Variants in TNRC6B observed in about 807,000 individuals in gnomAD.
TNRC6B encodes trinucleotide repeat-containing gene 6B protein.
A neutral mutation model predicts 203.6 loss-of-function variants in TNRC6B; 52 were observed. The ratio of observed to expected loss-of-function variants is 0.26; its 90% CI spans 0.20 to 0.32. The LOEUF (loss-of-function observed/expected upper bound fraction) is 0.32. Ranked by LOEUF, TNRC6B falls within the 10% of genes least tolerant of loss-of-function variation. TNRC6B has a pLI of 1.00. For missense variants in TNRC6B, 1,923 were observed against 2,286.2 expected, an observed-to-expected ratio of 0.84 and a Z score of 3.24; for synonymous variants, 838 against 845.7, an observed-to-expected ratio of 0.99 and a Z score of 0.16.
In TNRC6B at chr22:40,100,369, C is replaced by T. The variant is rs192667024; in HGVS notation, c.-120-16686C>T. Reference sequence around the variant, plus strand: ...CTTCCCAAAGTGCTGGGATTACAGGCGTGACCACTGCGCCTGGCCTATTTT... The same window carrying T: ...CTTCCCAAAGTGCTGGGATTACAGGTGTGACCACTGCGCCTGGCCTATTTT... On this transcript the variant is annotated intron_variant, in intron 1 of 23. Coordinates refer to the TNRC6B transcript ENST00000301923. Among the ~76,000 whole-genome samples, 1,273 of 149,796 alleles carry T rather than the reference C, an allele frequency of 8.5e-3. 9 individuals are homozygous for T. The highest frequency in any genetic ancestry group is 0.015 in the Non-Finnish European group (995 of 66,888).
intron 1 of TNRC6B, among the ~76,000 whole-genome samples, chr22:40,213,933 G>C (rs1021859187): frequency 6.6e-6 from 1 of 152,078 alleles, no homozygotes; most frequent in Non-Finnish European, 1.5e-5. Context: ...AAAAAATAAT[G>C]TAGACAGGTA....
intron 1 of TNRC6B, among the ~76,000 whole-genome samples, chr22:40,223,239 C>G (rs1055448574): frequency 6.6e-6 from 1 of 152,050 alleles, no homozygotes; most frequent in African/African-American, 2.4e-5. Context: ...CTCCTGTGTT[C>G]AAGCAATTCT....
chr22:40,051,476 A>G (rs906065458), intron 1 of TNRC6B, among the ~76,000 whole-genome samples: 1 of 152,200 alleles, frequency 6.6e-6, no homozygotes, highest in African/African-American at 2.4e-5. Context: ...AGCTGAGCCT[A>G]CTTACCCTTT....
At chr22:40,227,421 AGTGGTG>A in intron 1 of TNRC6B, among the ~76,000 whole-genome samples, 1 of 125,912 alleles carries the variant, frequency 7.9e-6, no homozygotes. Flanking sequence ...GCTGGAGTGC[AGTGGTG>A]CCATCTTGGC....
chr22:40,292,286 G>A (rs539932747), intron 12 of TNRC6B, among the ~76,000 whole-genome samples: 73 of 151,906 alleles, frequency 4.8e-4, no homozygotes, highest in African/African-American at 1.7e-3. Context: ...CCAGGAGGTG[G>A]AGGTTGCAGT....
chr22:40,237,835 C>G, intron 1 of TNRC6B, among the ~76,000 whole-genome samples: 1 of 152,046 alleles, frequency 6.6e-6, no homozygotes. Flanking sequence ...ACTCTGGCCC[C>G]TTTCCAGCTT....
intron 1 of TNRC6B, among the ~76,000 whole-genome samples, chr22:40,187,103 T>A (rs1026571983): frequency 2.0e-5 from 3 of 152,206 alleles, no homozygotes; most frequent in Non-Finnish European, 4.4e-5. Flanking sequence ...AGTTAAAAAT[T>A]CAGTTTGAGT....
chr22:40,192,607 ACT>A (rs1424447590), intron 1 of TNRC6B, among the ~76,000 whole-genome samples: 12 of 150,198 alleles, frequency 8.0e-5, no homozygotes, highest in Non-Finnish European at 3.0e-5. Flanking sequence ...ACTGAGCGAG[ACT>A]CTGCCTCAAA....
chr22:40,100,480 G>A (rs966841497), intron 1 of TNRC6B, among the ~76,000 whole-genome samples: 1 of 152,072 alleles, frequency 6.6e-6, no homozygotes, highest in African/African-American at 2.4e-5. Flanking sequence ...CTAGGCTCAA[G>A]TGATCCTCCT....
chr22:40,199,267 C>A lies in TNRC6B; in HGVS notation c.5+21127C>A, dbSNP rs147985918. ...AAATTCAGCATTTGAAGAATGGGTT[C>A]TCTAAATTTCAAAGTACTTCTTCAA... On this transcript the variant is annotated intron_variant, in intron 1 of 22. Transcript: ENST00000454349. 2.0e-3 allele frequency among the ~76,000 whole-genome samples: 303 copies of A among 152,244 alleles called. 2 individuals are homozygous for A. The highest frequency in any genetic ancestry group is 7.1e-3 in the African/African-American group (296 of 41,534).
intron 1 of TNRC6B, among the ~76,000 whole-genome samples, chr22:40,093,029 A>C (rs1371875942): frequency 6.6e-6 from 1 of 152,238 alleles, no homozygotes; most frequent in African/African-American, 2.4e-5. Flanking sequence ...AATCAGATAT[A>C]TTTGAAAAAG....
intron 3 of TNRC6B, among the ~76,000 whole-genome samples, chr22:40,151,360 T>C (rs2068751310): frequency 6.6e-6 from 1 of 150,528 alleles, no homozygotes; most frequent in South Asian, 2.1e-4. Context: ...GGTCAGGAGT[T>C]TGAGACCAGC....
At chr22:40,172,648 T>G (rs1437605281) in intron 4 of TNRC6B, among the ~76,000 whole-genome samples, 1 of 152,246 alleles carries the variant, frequency 6.6e-6, no homozygotes, top group Non-Finnish European at 1.5e-5. Context: ...TGTACCATCT[T>G]AGTCTAAATT....
chr22:40,208,144 GAAA>G (rs1455016146), intron 1 of TNRC6B, among the ~76,000 whole-genome samples: 1 of 140,900 alleles, frequency 7.1e-6, no homozygotes, highest in South Asian at 2.3e-4. Context: ...AAAAAAACAA[GAAA>G]AAAACAAGTT....
At chr22:40,078,989 G>A (rs371043685) in intron 1 of TNRC6B, among the ~76,000 whole-genome samples, 3 of 151,648 alleles carry the variant, frequency 2.0e-5, no homozygotes, top group East Asian at 1.9e-4. Flanking sequence ...CAGGAGAGTC[G>A]CATGAACTCG....
chr22:40,275,280 C>T (rs1321529115), intron 7 of TNRC6B, among the ~76,000 whole-genome samples: 1 of 152,154 alleles, frequency 6.6e-6, no homozygotes, highest in African/African-American at 2.4e-5. Flanking sequence ...GTGATTTTGG[C>T]TTTCTTTTGG....
chr22:40,167,098 C>T (rs2068926697), intron 4 of TNRC6B, among the ~76,000 whole-genome samples: 2 of 152,144 alleles, frequency 1.3e-5, no homozygotes, highest in African/African-American at 4.8e-5. Context: ...ATATTTCAGT[C>T]ATGATAGAGT....
intron 15 of TNRC6B, among the ~76,000 whole-genome samples, chr22:40,302,488 C>A (rs1430783187): frequency 6.6e-6 from 1 of 152,068 alleles, no homozygotes; most frequent in Non-Finnish European, 1.5e-5. Context: ...CAAAAATTAG[C>A]CGGACGTTGT....
At chr22:40,179,955 A>G (rs769327933) in intron 1 of TNRC6B, among the ~76,000 whole-genome samples, 4 of 150,876 alleles carry the variant, frequency 2.7e-5, no homozygotes, top group African/African-American at 9.9e-5. Context: ...TAATGTTGTT[A>G]TGTTAGTAAT....
Sources: allele counts gnomAD v4.1 joint callset (sites outside exome capture counted in the v4.1 genomes callset), GRCh38; gene constraint gnomAD v4.1.1; transcripts MANE v1.5; gene names NCBI Gene and HGNC (gene_info 2026-07-23, HGNC 2026-07-21).